FBXL17: variants seen among roughly 807,000 people sequenced by gnomAD.
The protein encoded by FBXL17 is F-box and leucine rich repeat protein 17.
In FBXL17, 22 loss-of-function variants were observed where a neutral mutation model predicts 66.2. The observed-to-expected ratio is 0.33, with a 90% CI of 0.24 to 0.47. FBXL17 has a LOEUF of 0.47. Ranked by LOEUF, FBXL17 falls within the 20% of genes least tolerant of loss-of-function variation. The pLI, the probability that FBXL17 is intolerant of heterozygous loss-of-function variation, is 1.00. For missense variants in FBXL17, 878 were observed against 948.2 expected, an observed-to-expected ratio of 0.93 and a Z score of 0.97; for synonymous variants, 474 against 400.5, an observed-to-expected ratio of 1.18 and a Z score of -2.19.
intron 6 of FBXL17, among the ~76,000 whole-genome samples, chr5:108,116,235 A>G (rs1750242472): frequency 6.6e-6 from 1 of 152,180 alleles, no homozygotes; most frequent in Non-Finnish European, 1.5e-5. Flanking sequence ...GTCTAGGAGA[A>G]AGAACAACAA....
chr5:108,177,687 A>G (rs1752841972), intron 6 of FBXL17, among the ~76,000 whole-genome samples: 2 of 151,996 alleles, frequency 1.3e-5, no homozygotes, highest in African/African-American at 2.4e-5. Flanking sequence ...TGAACTCTGA[A>G]GACCACAAAA....
chr5:108,204,373 G>A (rs1351324901), intron 5 of FBXL17, among the ~76,000 whole-genome samples: 1 of 151,754 alleles, frequency 6.6e-6, no homozygotes, highest in Non-Finnish European at 1.5e-5. Context: ...TGTAGAGATG[G>A]GTCTTACTAT....
intron 7 of FBXL17, among the ~76,000 whole-genome samples, chr5:107,901,964 G>T (rs1749580013): frequency 6.6e-6 from 1 of 152,180 alleles, no homozygotes; most frequent in Non-Finnish European, 1.5e-5. Context: ...GCTAGATCTT[G>T]AATTCTTCAA....
At position 108,307,106 on chromosome 5, in the gene FBXL17, C is replaced by T. The variant is rs149532852; in HGVS notation, c.1506+41293G>A. ...TCCCTCAGTGTATCAATGTGTGTAA[C>T]GCAGGACCTGTTACTGGTATTTATG... On this transcript the variant is annotated intron_variant, in intron 4 of 8. Coordinates refer to ENST00000542267, the MANE Select transcript of FBXL17 (RefSeq NM_001163315.3). Among the ~76,000 whole-genome samples, 373 of 151,990 alleles carry T rather than the reference C, an allele frequency of 2.5e-3. 1 individual carries two copies. The highest frequency in any genetic ancestry group is 8.6e-3 in the African/African-American group (355 of 41,484).
chr5:108,189,287 A>AGGATGGGATGGGATG lies in FBXL17; in HGVS notation c.1615-3055_1615-3041dup, dbSNP rs5870302. Among the ~76,000 whole-genome samples the AGGATGGGATGGGATG allele has an allele frequency of 1.3e-3, 145 of 112,514 alleles. 1 individual carries two copies. The highest frequency in any genetic ancestry group is 4.1e-3 in the African/African-American group (132 of 32,262). 73.8% of individuals were successfully genotyped at this position (112,514 alleles called of 152,430 possible). A position where few individuals can be genotyped will look rare whatever the true frequency, so the allele number is the denominator to read the frequency against. ...TCATGTAGTTGCTGGAAGAATTCATAGGATGGGATGGGATGGGATGGGATG... is the reference window on the plus strand; with the variant it reads ...TCATGTAGTTGCTGGAAGAATTCATAGGATGGGATGGGATGGGATGGGATGGGATGGGATGGGATG... On this transcript the variant is annotated intron_variant, in intron 5 of 8. Coordinates refer to ENST00000542267, the MANE Select transcript of FBXL17 (RefSeq NM_001163315.3).
At chr5:107,903,985 T>C (rs890122291) in intron 7 of FBXL17, among the ~76,000 whole-genome samples, 2 of 152,158 alleles carry the variant, frequency 1.3e-5, no homozygotes, top group African/African-American at 4.8e-5. Context: ...CTCTAAAATA[T>C]CTATAGTTAC....
intron 7 of FBXL17, among the ~76,000 whole-genome samples, chr5:108,002,704 G>T (rs924952123): frequency 6.6e-6 from 1 of 152,116 alleles, no homozygotes; most frequent in African/African-American, 2.4e-5. Flanking sequence ...CAATAAAAAG[G>T]ATAAAATACT....
At chr5:107,934,428 T>C (rs1015629803) in intron 7 of FBXL17, among the ~76,000 whole-genome samples, 5 of 152,192 alleles carry the variant, frequency 3.3e-5, no homozygotes, top group African/African-American at 7.2e-5. Flanking sequence ...ATTTTAAAAC[T>C]ATTTCCCAAA....
intron 7 of FBXL17, among the ~76,000 whole-genome samples, chr5:107,934,415 G>A (rs1197012320): frequency 6.6e-6 from 1 of 152,060 alleles, no homozygotes; most frequent in East Asian, 1.9e-4. Context: ...ATGATATTCT[G>A]ATATTTTAAA....
intron 6 of FBXL17, among the ~76,000 whole-genome samples, chr5:108,055,296 AAAAAAAAAAAAAAAAAAG>A (rs1170800740): frequency 0.02 from 647 of 31,836 alleles, 24 homozygotes; most frequent in African/African-American, 0.062. Flanking sequence ...AAAAAAAAAA[AAAAAAAAAAAAAAAAAAG>A]AAAAACGCTT....
In FBXL17 at chr5:108,380,961, T is replaced by A; in HGVS notation, c.731A>T (p.Asp244Val). The change falls in exon 1 of 9, where the codon GAC becomes GTC. Residue 244 changes from aspartate to valine, a missense_variant. Physicochemically the swap from Asp to Val is radical, Grantham distance 152. This residue lies in a region of FBXL17 where 605 missense variants were observed against 509.5 expected (regional missense o/e 1.19). Transcript: ENST00000542267. ...CTCCGGGGCCTGGCAGCAGCCGGCG[T>A]CGGGGGGCCGGGGCGGCGAAGCGCC... The part of the protein sequence containing the change: ...GGGASPPRPP[D>V]AGCCQAPEQP... 1 of 1,217,524 alleles carries A rather than the reference T, an allele frequency of 8.2e-7. No individual in the cohort carries two copies. Among genetic ancestry groups the A allele is most frequent in the Admixed American group, 4.3e-5 (1 of 23,258 alleles). 75.4% of individuals were successfully genotyped at this position (1,217,524 alleles called of 1,614,324 possible).
chr5:108,183,421 G>A (rs889488260), intron 6 of FBXL17, among the ~76,000 whole-genome samples: 6 of 152,056 alleles, frequency 3.9e-5, no homozygotes, highest in African/African-American at 1.4e-4. Context: ...AAAACCACAA[G>A]ATAGTATTTA....
intron 4 of FBXL17, among the ~76,000 whole-genome samples, chr5:108,265,695 T>C (rs1757018125): frequency 6.6e-6 from 1 of 152,184 alleles, no homozygotes; most frequent in Admixed American, 6.5e-5. Flanking sequence ...TATTTAATCA[T>C]CTTCACATCA....
chr5:108,061,910 T>G (rs567971334), intron 6 of FBXL17, among the ~76,000 whole-genome samples: 8 of 151,790 alleles, frequency 5.3e-5, no homozygotes, highest in African/African-American at 1.4e-4. Flanking sequence ...ATACTACTTA[T>G]GCATAAAACA....
chr5:108,179,987 A>G (rs1341880111), intron 6 of FBXL17, among the ~76,000 whole-genome samples: 1 of 152,160 alleles, frequency 6.6e-6, no homozygotes, highest in African/African-American at 2.4e-5. Context: ...ATCATCCTGG[A>G]AAGAATGTTG....
chr5:107,965,114 C>T (rs1308598617), intron 7 of FBXL17, among the ~76,000 whole-genome samples: 2 of 152,088 alleles, frequency 1.3e-5, no homozygotes, highest in Non-Finnish European at 2.9e-5. Context: ...ATTTGATGCA[C>T]AATGGGTAAG....
intron 1 of FBXL17, among the ~76,000 whole-genome samples, chr5:108,372,157 TATAATC>T (rs1254393603): frequency 6.6e-6 from 1 of 152,204 alleles, no homozygotes; most frequent in Non-Finnish European, 1.5e-5. Context: ...TACCACTTCT[TATAATC>T]ATATCTCTTT....
intron 2 of FBXL17, among the ~76,000 whole-genome samples, chr5:108,366,961 C>T (rs564722608): frequency 6.6e-6 from 1 of 152,148 alleles, no homozygotes; most frequent in South Asian, 2.1e-4. Flanking sequence ...CTTTTCAAAT[C>T]TGCATTCAAT....
At chr5:108,066,795 C>T (rs1748132313) in intron 6 of FBXL17, among the ~76,000 whole-genome samples, 1 of 151,766 alleles carries the variant, frequency 6.6e-6, no homozygotes. Context: ...ATATTAATTA[C>T]TCACTTTTAT....
Sources: gnomAD v4.1 joint callset for allele counts (sites outside exome capture counted in the v4.1 genomes callset) on GRCh38, gnomAD v4.1.1 for gene constraint, gnomAD v4.1.1 regional missense constraint, MANE v1.5 for transcripts, NCBI Gene and HGNC (gene_info 2026-07-23, HGNC 2026-07-21) for gene names.